The following KIAA0825 variants were observed in gnomAD, a reference collection of about 807,000 sequenced individuals.
The protein encoded by KIAA0825 is uncharacterized protein KIAA0825.
A neutral mutation model predicts 147.6 loss-of-function variants in KIAA0825; 119 were observed. The observed-to-expected ratio is 0.81, with a 90% CI of 0.69 to 0.94. KIAA0825 has a LOEUF of 0.94. Among genes scored for constraint, KIAA0825 ranks in the 40% least tolerant of loss-of-function variants. KIAA0825 has a pLI of 0.00. For synonymous variants in KIAA0825, 470 were observed against 518.1 expected (o/e 0.91, Z 1.26); for missense variants, 1,381 against 1,472.7 (o/e 0.94, Z 1.02).
intron 20 of KIAA0825, among the ~76,000 whole-genome samples, chr5:94,300,807 G>C (rs766452641): frequency 6.6e-6 from 1 of 152,140 alleles, no homozygotes; most frequent in Non-Finnish European, 1.5e-5. Flanking sequence ...TGTTATAGAT[G>C]CAAGTAAACA....
At chr5:94,301,699 T>C (rs1434133390) in intron 20 of KIAA0825, among the ~76,000 whole-genome samples, 1 of 152,244 alleles carries the variant, frequency 6.6e-6, no homozygotes, top group Non-Finnish European at 1.5e-5. Context: ...AAGAGGCATG[T>C]GTGTGGGTGT....
intron 2 of KIAA0825, among the ~76,000 whole-genome samples, chr5:94,563,799 C>T (rs1233448919): frequency 6.6e-6 from 1 of 152,136 alleles, no homozygotes; most frequent in African/African-American, 2.4e-5. Flanking sequence ...ATTCTCCTGC[C>T]TCTGCCTCCT....
At chr5:94,367,992 A>T (rs1395698422) in intron 20 of KIAA0825, among the ~76,000 whole-genome samples, 1 of 152,214 alleles carries the variant, frequency 6.6e-6, no homozygotes, top group African/African-American at 2.4e-5. Context: ...AAAAAATAAA[A>T]ACTCTGTATC....
At position 94,435,100 on chromosome 5, in the gene KIAA0825, T is replaced by C. The variant is rs554214826; in HGVS notation, c.2497+4882A>G. ...ACAAAATTAAGTTTTATCAATTAGA[T>C]GAAAAAAAACCACTATTTTTTTTTC... On this transcript the variant is annotated intron_variant, in intron 14 of 20. Transcript: ENST00000682413. 7.2e-5 allele frequency among the ~76,000 whole-genome samples: 11 copies of C among 151,954 alleles called. No homozygotes were observed. In the East Asian group the frequency reaches 2.1e-3, roughly 29 times the overall value.
chr5:94,523,847 T>C (rs1245547604), intron 4 of KIAA0825, 83 bp downstream of exon 4: 3 of 940,324 alleles, frequency 3.2e-6, no homozygotes, highest in Middle Eastern at 3.4e-4. Context: ...GTCACTCAAA[T>C]AAATATTTAC....
chr5:94,196,160 G>C (rs1349835093), intron 20 of KIAA0825, among the ~76,000 whole-genome samples: 3 of 152,120 alleles, frequency 2.0e-5, no homozygotes, highest in Middle Eastern at 3.2e-3. Context: ...TATTTCCAAG[G>C]CATTCCTTAG....
intron 20 of KIAA0825, among the ~76,000 whole-genome samples, chr5:94,226,366 C>T (rs1335479242): frequency 6.6e-6 from 1 of 152,054 alleles, no homozygotes; most frequent in Non-Finnish European, 1.5e-5. Flanking sequence ...CAGGAAACAA[C>T]AGGTGCTGGA....
chr5:94,239,891 C>A (rs1021511545), intron 20 of KIAA0825, among the ~76,000 whole-genome samples: 14 of 152,108 alleles, frequency 9.2e-5, no homozygotes, highest in Non-Finnish European at 1.6e-4. Flanking sequence ...GTTGTACAGT[C>A]TTTAACTATG....
At chr5:94,597,971 G>T (rs896615176) in intron 1 of KIAA0825, among the ~76,000 whole-genome samples, 7 of 152,110 alleles carry the variant, frequency 4.6e-5, no homozygotes, top group African/African-American at 1.7e-4. Context: ...GTTGCTTTGG[G>T]TGAGTCAGTG....
chr5:94,559,447 A>C (rs953832173), intron 2 of KIAA0825, among the ~76,000 whole-genome samples: 2 of 152,336 alleles, frequency 1.3e-5, no homozygotes, highest in Admixed American at 6.5e-5. Flanking sequence ...ACACAAAATG[A>C]AAACAAGTTC....
intron 2 of KIAA0825, among the ~76,000 whole-genome samples, chr5:94,564,214 G>GTTTTT (rs545943328): frequency 4.8e-5 from 5 of 105,200 alleles, no homozygotes; most frequent in African/African-American, 7.2e-5. Flanking sequence ...TATTCCCCTT[G>GTTTTT]TTTTTTTTTT....
At chr5:94,531,527 A>G (rs1770804719) in intron 3 of KIAA0825, among the ~76,000 whole-genome samples, 1 of 152,204 alleles carries the variant, frequency 6.6e-6, no homozygotes, top group African/African-American at 2.4e-5. Flanking sequence ...TGCGCTGCTG[A>G]AGCCCAGGAT....
chr5:94,405,055 A>G (rs1284892386), intron 15 of KIAA0825, among the ~76,000 whole-genome samples: 1 of 152,186 alleles, frequency 6.6e-6, no homozygotes, highest in African/African-American at 2.4e-5. Context: ...CTTTTACAAC[A>G]CAGTAATCAG....
chr5:94,595,814 G>A (rs959048961), intron 1 of KIAA0825, among the ~76,000 whole-genome samples: 1 of 152,086 alleles, frequency 6.6e-6, no homozygotes, highest in Non-Finnish European at 1.5e-5. Context: ...ATGCTTTGCT[G>A]CCTAGAAATT....
chr5:94,201,936 G>A (rs1341915232), intron 20 of KIAA0825, among the ~76,000 whole-genome samples: 1 of 152,142 alleles, frequency 6.6e-6, no homozygotes, highest in Non-Finnish European at 1.5e-5. Flanking sequence ...TGGGTAAACT[G>A]ACCTATCAGG....
intron 1 of KIAA0825, among the ~76,000 whole-genome samples, chr5:94,595,792 G>T (rs1258258326): frequency 6.6e-6 from 1 of 152,028 alleles, no homozygotes. Context: ...GGGCATCCAG[G>T]TCACATCCTG....
chr5:94,467,040 C>T (rs1760632203), intron 10 of KIAA0825, among the ~76,000 whole-genome samples: 1 of 152,002 alleles, frequency 6.6e-6, no homozygotes. Flanking sequence ...TGTTAAAAAC[C>T]AATTTCCTTA....
chr5:94,465,056 C>A lies in KIAA0825; in HGVS notation c.1876G>T (p.Glu626Ter). 1 of 1,550,810 alleles carries A rather than the reference C, an allele frequency of 6.4e-7. No homozygotes were observed. The highest frequency in any genetic ancestry group is 8.7e-7 in the Non-Finnish European group (1 of 1,146,460). ...WDDYKAFYEG[E>*]RCSFSIQMWH... is the part of the protein sequence containing the mutation. ...ATCTGGATCGAGAAGGAACATCTTT[C>A]CCCCTGGCAAAGCCAGCACACGTTA... is the stretch of plus-strand genomic sequence containing the variant. Residue 626 changes from glutamate to a stop codon, truncating the protein, a stop_gained, in exon 11 of 21, where the codon GAA becomes TAA. Coordinates refer to ENST00000682413, the MANE Select transcript of KIAA0825 (RefSeq NM_001145678.3). LOFTEE classifies it high-confidence loss of function.
chr5:94,196,151 A>G (rs932859656), intron 20 of KIAA0825, among the ~76,000 whole-genome samples: 1 of 152,118 alleles, frequency 6.6e-6, no homozygotes, highest in Non-Finnish European at 1.5e-5. Flanking sequence ...GTTTTATACT[A>G]TTTCCAAGGC....
Sources: allele counts gnomAD v4.1 joint callset (sites outside exome capture counted in the v4.1 genomes callset), GRCh38; gene constraint gnomAD v4.1.1; transcripts MANE v1.5; gene names NCBI Gene and HGNC (gene_info 2026-07-23, HGNC 2026-07-21).